The following RAB11FIP3 variants were observed in gnomAD, a reference collection of about 807,000 sequenced individuals.
The protein encoded by RAB11FIP3 is RAB11 family interacting protein 3.
RAB11FIP3 carries 17 observed loss-of-function variants against 77.8 expected under a neutral mutation model. That is an observed-to-expected ratio of 0.22 (90% CI 0.15 to 0.33). The LOEUF (loss-of-function observed/expected upper bound fraction) is 0.33. Among genes scored for constraint, RAB11FIP3 ranks in the 10% least tolerant of loss-of-function variants. The probability of loss-of-function intolerance (pLI) is 1.00; values close to 1 mark genes in which losing one functional copy is unlikely to be tolerated. For missense variants in RAB11FIP3, 1,005 were observed against 1,011.2 expected, an observed-to-expected ratio of 0.99 and a Z score of 0.08; for synonymous variants, 437 against 448.2, an observed-to-expected ratio of 0.98 and a Z score of 0.31.
At chr16:499,947 C>CTAT (rs893537307) in intron 6 of RAB11FIP3, among the ~76,000 whole-genome samples, 1 of 152,176 alleles carries the variant, frequency 6.6e-6, no homozygotes, top group African/African-American at 2.4e-5. Context: ...CCACAAGAGG[C>CTAT]TAAGGAAGAG....
chr16:511,722 T>C (rs1311079759), intron 9 of RAB11FIP3, among the ~76,000 whole-genome samples: 10 of 61,156 alleles, frequency 1.6e-4, no homozygotes, highest in Non-Finnish European at 2.4e-4. Context: ...GCAGGCCAGG[T>C]AGGAGAGGTT....
intron 12 of RAB11FIP3, 49 bp from the exon 13 acceptor site, chr16:520,410 A>C (rs1415604256): frequency 6.2e-7 from 1 of 1,606,118 alleles, no homozygotes; most frequent in Admixed American, 1.7e-5. Flanking sequence ...GTCCCTGCTC[A>C]GCCACCAGCA....
intron 9 of RAB11FIP3, among the ~76,000 whole-genome samples, chr16:512,945 G>A (rs1446410013): frequency 6.6e-6 from 1 of 151,352 alleles, no homozygotes; most frequent in Non-Finnish European, 1.5e-5. Context: ...GCCTCCCAAA[G>A]CGCTGGGATT....
chr16:456,360 A>C (rs1396397764), intron 1 of RAB11FIP3, among the ~76,000 whole-genome samples: 1 of 151,882 alleles, frequency 6.6e-6, no homozygotes, highest in Non-Finnish European at 1.5e-5. Flanking sequence ...GAATCGCTTG[A>C]ACCTGGGAGG....
At chr16:511,759 T>C (rs1438527030) in intron 9 of RAB11FIP3, among the ~76,000 whole-genome samples, 1 of 89,292 alleles carries the variant, frequency 1.1e-5, no homozygotes, top group African/African-American at 5.8e-5. Flanking sequence ...CCCCAGAAAC[T>C]GCAGGCCAGG....
chr16:427,884 G>C (rs1356665996), intron 1 of RAB11FIP3, among the ~76,000 whole-genome samples: 1 of 152,094 alleles, frequency 6.6e-6, no homozygotes, highest in Non-Finnish European at 1.5e-5. Flanking sequence ...CGGATCACGA[G>C]GTCAGGAGAT....
intron 8 of RAB11FIP3, 123 bp from the exon 9 acceptor site, chr16:510,537 C>T: frequency 8.6e-7 from 1 of 1,164,642 alleles, no homozygotes; most frequent in Non-Finnish European, 1.2e-6. Flanking sequence ...GGATGCCCTT[C>T]TCGGTGCCCT....
At chr16:517,643 A>T (rs1361722648) in intron 9 of RAB11FIP3, among the ~76,000 whole-genome samples, 1 of 152,222 alleles carries the variant, frequency 6.6e-6, no homozygotes, top group African/African-American at 2.4e-5. Context: ...CACAGTCTTC[A>T]GTTAGTGTGG....
chr16:431,759 AT>A (rs765013817), intron 1 of RAB11FIP3, among the ~76,000 whole-genome samples: 200 of 139,114 alleles, frequency 1.4e-3, no homozygotes, highest in Admixed American at 1.9e-3. Context: ...TAGAAGCTAA[AT>A]TTTTTTTTTT....
chr16:503,120 G>A, intron 7 of RAB11FIP3, 23 bp downstream of exon 7: 1 of 1,574,188 alleles, frequency 6.4e-7, no homozygotes, highest in South Asian at 1.1e-5. Context: ...GGGCTGGGTA[G>A]GTGGCAAGTA....
Position 478,110 on chromosome 16 carries a change from C to T in RAB11FIP3, c.904-4415C>T, listed in dbSNP as rs559883097. Among the ~76,000 whole-genome samples, 27 of 152,308 alleles carry T rather than the reference C, an allele frequency of 1.8e-4. No individual in the cohort carries two copies. In the East Asian group the frequency reaches 4.8e-3, roughly 27 times the overall value. On this transcript the variant is annotated intron_variant, in intron 3 of 13. Transcript: ENST00000262305. ...CCTGGCAGCTCGGCCTGGCCCTTCA[C>T]GTCTCTTCCAGTGAGGCTCAGGTGG...
In RAB11FIP3 at chr16:518,849, C is replaced by A. The variant is rs1362870082; in HGVS notation, c.1641-94C>A. 4 of 1,292,596 alleles carry A rather than the reference C, an allele frequency of 3.1e-6. No homozygotes were observed. In the African/African-American group the frequency reaches 4.4e-5, roughly 14 times the overall value. The allele number at this position is 1,292,596 out of a possible 1,614,324, so 80.1% of individuals were successfully genotyped here. Reference sequence around the variant, plus strand: ...TTGGGGGCGTCTGTTGGTCACAGGGCGGCCCCAGCAGGGTTTCCCTGAGAC... The same window carrying A: ...TTGGGGGCGTCTGTTGGTCACAGGGAGGCCCCAGCAGGGTTTCCCTGAGAC... On this transcript the variant is annotated intron_variant, in intron 9 of 13. Transcript: ENST00000262305.
intron 8 of RAB11FIP3, 143 bp from the exon 9 acceptor site, chr16:510,517 C>T: frequency 1.0e-6 from 1 of 969,500 alleles, no homozygotes; most frequent in Non-Finnish European, 1.5e-6. Context: ...CTGCCTTGAC[C>T]AGAGCTCGGG....
rs143712201 is a variant in RAB11FIP3 at position 443,018 on chromosome 16, C to T, written c.714+16298C>T. Among the ~76,000 whole-genome samples the T allele has an allele frequency of 3.1e-3, 472 of 152,248 alleles. 4 individuals are homozygous for T. The highest frequency in any genetic ancestry group is 0.01 in the African/African-American group (429 of 41,536). ...GCCCTTTTATGAGAAAGTCCATCCC[C>T]GTCAGCATGGCTTATTCTGTCTGGT... On this transcript the variant is annotated intron_variant, in intron 1 of 13. Coordinates refer to ENST00000262305, the MANE Select transcript of RAB11FIP3 (RefSeq NM_014700.4).
chr16:477,756 C>A, intron 3 of RAB11FIP3: 2 of 806,086 alleles, frequency 2.5e-6, no homozygotes, highest in Non-Finnish European at 3.0e-6. Flanking sequence ...TGAATTACTT[C>A]CTTAGATTGT....
intron 1 of RAB11FIP3, among the ~76,000 whole-genome samples, chr16:432,103 C>A (rs1025445106): frequency 6.6e-6 from 1 of 152,046 alleles, no homozygotes; most frequent in African/African-American, 2.4e-5. Flanking sequence ...AAGAAACTGG[C>A]CTGGCGCGGT....
intron 1 of RAB11FIP3, among the ~76,000 whole-genome samples, chr16:460,456 C>A (rs947389392): frequency 6.6e-6 from 1 of 151,462 alleles, no homozygotes; most frequent in African/African-American, 2.4e-5. Context: ...GTAATACTCT[C>A]CCCCCTCCCA....
chr16:485,013 A>C (rs2056125231), intron 4 of RAB11FIP3, among the ~76,000 whole-genome samples: 1 of 151,598 alleles, frequency 6.6e-6, no homozygotes, highest in African/African-American at 2.4e-5. Flanking sequence ...CATGCTTTTT[A>C]CTTGCGCTTC....
chr16:486,424 C>T (rs1481841711), intron 4 of RAB11FIP3, among the ~76,000 whole-genome samples: 1 of 152,186 alleles, frequency 6.6e-6, no homozygotes, highest in Non-Finnish European at 1.5e-5. Flanking sequence ...CCCAGAGAGG[C>T]AGAGTTTGCA....
Sources: gnomAD v4.1 joint callset for allele counts (sites outside exome capture counted in the v4.1 genomes callset) on GRCh38, gnomAD v4.1.1 for gene constraint, MANE v1.5 for transcripts, NCBI Gene and HGNC (gene_info 2026-07-23, HGNC 2026-07-21) for gene names.